DRC11: variants seen among roughly 807,000 people sequenced by gnomAD.
DRC11 encodes the protein IQ and AAA domain-containing protein 1.
the DRC11 span, among the ~76,000 whole-genome samples, chr2:236,405,190 T>C: frequency 6.6e-6 from 1 of 152,168 alleles, no homozygotes. This position sits in a 1 kb window ranked among gnomAD's most constrained non-coding sequence, Gnocchi z 4.6. Flanking sequence ...TTCATGCTTC[T>C]GGAGGGGAGT....
At chr2:236,395,877 T>A in the DRC11 span, among the ~76,000 whole-genome samples, 1 of 152,304 alleles carries the variant, frequency 6.6e-6, no homozygotes, top group East Asian at 1.9e-4. Context: ...TTCACTAGAT[T>A]CACTAAAATC....
chr2:236,459,526 C>CATGTAT, the DRC11 span, among the ~76,000 whole-genome samples: 1 of 76,318 alleles, frequency 1.3e-5, no homozygotes, highest in African/African-American at 5.7e-5. Context: ...TACATGTATA[C>CATGTAT]ATGTATACGT....
At chr2:236,410,475 G>A in the DRC11 span, among the ~76,000 whole-genome samples, 19 of 151,236 alleles carry the variant, frequency 1.3e-4, no homozygotes, top group African/African-American at 4.6e-4. Flanking sequence ...ACTGCCCAAG[G>A]TAATTTACAG....
At chr2:236,387,519 A>C in the DRC11 span, among the ~76,000 whole-genome samples, 1 of 151,800 alleles carries the variant, frequency 6.6e-6, no homozygotes, top group African/African-American at 2.4e-5. Flanking sequence ...GGCTTGGTAG[A>C]TCTTCCTCCA....
chr2:236,496,736 G>A, the DRC11 span, among the ~76,000 whole-genome samples: 1 of 152,226 alleles, frequency 6.6e-6, no homozygotes, highest in Admixed American at 6.5e-5. The surrounding 1 kb of genome is among the most constrained non-coding windows in gnomAD (Gnocchi z 6.3). Context: ...CCAAAGTAAG[G>A]AGGAGATGCA....
the DRC11 span, among the ~76,000 whole-genome samples, chr2:236,359,889 G>A: frequency 6.6e-6 from 1 of 152,160 alleles, no homozygotes; most frequent in Non-Finnish European, 1.5e-5. This position sits in a 1 kb window ranked among gnomAD's most constrained non-coding sequence, Gnocchi z 4.3. Flanking sequence ...TTAATGAGGT[G>A]TGTGTCAGGC....
the DRC11 span, among the ~76,000 whole-genome samples, chr2:236,459,507 G>A: frequency 2.1e-4 from 21 of 100,170 alleles, no homozygotes; most frequent in African/African-American, 6.0e-4. Context: ...ATATGTATAC[G>A]TATACGTATA....
At chr2:236,402,734 C>T in the DRC11 span, among the ~76,000 whole-genome samples, 13 of 152,174 alleles carry the variant, frequency 8.5e-5, no homozygotes, top group South Asian at 4.1e-4. This position sits in a 1 kb window ranked among gnomAD's most constrained non-coding sequence, Gnocchi z 6.0. Context: ...GTCCCACCTA[C>T]GACACAAGGC....
chr2:236,464,344 G>A, the DRC11 span, among the ~76,000 whole-genome samples: 1 of 152,158 alleles, frequency 6.6e-6, no homozygotes, highest in Non-Finnish European at 1.5e-5. Flanking sequence ...GAAGTGATAT[G>A]ATGCAATACC....
At chr2:236,323,159 C>T in the DRC11 span, among the ~76,000 whole-genome samples, 1 of 152,240 alleles carries the variant, frequency 6.6e-6, no homozygotes, top group East Asian at 1.9e-4. The surrounding 1 kb of genome is among the most constrained non-coding windows in gnomAD (Gnocchi z 6.4). Context: ...TGCTTTGCAA[C>T]AGACATCAAA....
chr2:236,432,921 C>G, the DRC11 span, among the ~76,000 whole-genome samples: 1 of 151,990 alleles, frequency 6.6e-6, no homozygotes, highest in Admixed American at 6.6e-5. Flanking sequence ...AGTGTTTGAT[C>G]CTTTTGGAAT....
At chr2:236,389,242 C>T in the DRC11 span, among the ~76,000 whole-genome samples, 2 of 152,204 alleles carry the variant, frequency 1.3e-5, no homozygotes, top group Non-Finnish European at 2.9e-5. Context: ...TGGGCAATGG[C>T]GGGCGCCCCT....
chr2:236,315,251 C>T, the DRC11 span, among the ~76,000 whole-genome samples: 1 of 152,174 alleles, frequency 6.6e-6, no homozygotes, highest in African/African-American at 2.4e-5. The surrounding 1 kb of genome is among the most constrained non-coding windows in gnomAD (Gnocchi z 5.1). Context: ...GGTGCTGGAG[C>T]TTTGGGTCAA....
At chr2:236,462,177 A>T in the DRC11 span, among the ~76,000 whole-genome samples, 141 of 152,248 alleles carry the variant, frequency 9.3e-4, no homozygotes, top group African/African-American at 3.2e-3. The surrounding 1 kb of genome is among the most constrained non-coding windows in gnomAD (Gnocchi z 6.4). Context: ...GACCTGCTGG[A>T]TAGGCCCCTG....
chr2:236,480,226 G>C, the DRC11 span, among the ~76,000 whole-genome samples: 1 of 151,668 alleles, frequency 6.6e-6, no homozygotes, highest in African/African-American at 2.4e-5. Flanking sequence ...GTCTTATTTG[G>C]GTTGAATCTG....
the DRC11 span, among the ~76,000 whole-genome samples, chr2:236,359,042 G>A: frequency 1.2e-3 from 185 of 151,834 alleles, no homozygotes; most frequent in African/African-American, 4.2e-3. This position sits in a 1 kb window ranked among gnomAD's most constrained non-coding sequence, Gnocchi z 4.3. Flanking sequence ...AATGGCCCCC[G>A]CCCTCCAGAC....
chr2:236,322,045 G>A, the DRC11 span, among the ~76,000 whole-genome samples: 1 of 152,080 alleles, frequency 6.6e-6, no homozygotes, highest in African/African-American at 2.4e-5. Context: ...TCCCAGATAA[G>A]TGAGGCAAAA....
the DRC11 span, among the ~76,000 whole-genome samples, chr2:236,344,936 GCC>G: frequency 1.6e-5 from 2 of 124,778 alleles, no homozygotes; most frequent in Non-Finnish European, 3.6e-5. Context: ...GGTGTGCAGA[GCC>G]CTGGTTGTAA....
the DRC11 span, chr2:236,497,416 A>G: frequency 6.2e-7 from 1 of 1,613,756 alleles, no homozygotes; most frequent in Non-Finnish European, 8.5e-7. The surrounding 1 kb of genome is among the most constrained non-coding windows in gnomAD (Gnocchi z 5.1). Context: ...TGGTTCAATC[A>G]TCTTCTGAGG....
Sources: gnomAD v4.1 joint callset for allele counts (sites outside exome capture counted in the v4.1 genomes callset) on GRCh38, gnomAD v4.1.1 for gene constraint, Gnocchi (gnomAD v3.1) non-coding constraint, MANE v1.5 for transcripts, NCBI Gene and HGNC (gene_info 2026-07-23, HGNC 2026-07-21) for gene names.